Variants in ZBTB37 observed in about 807,000 individuals in gnomAD.
The protein encoded by ZBTB37 is zinc finger and BTB domain-containing protein 37.
A neutral mutation model predicts 37.7 loss-of-function variants in ZBTB37; 15 were observed. That is an observed-to-expected ratio of 0.40 (90% CI 0.27 to 0.61). The LOEUF is 0.61. Among genes scored for constraint, ZBTB37 ranks in the 20% least tolerant of loss-of-function variants. The pLI is 0.44. For missense variants in ZBTB37, 514 were observed against 641.9 expected (o/e 0.80, Z 2.15); for synonymous variants, 231 against 220.6 (o/e 1.05, Z -0.42).
exon 4 of ZBTB37, chr1:173,899,957 GT>G (rs758052420): frequency 6.6e-6 from 1 of 152,166 alleles, no homozygotes; most frequent in Non-Finnish European, 1.5e-5. Flanking sequence ...AATTTTCAAA[GT>G]TCCTTCTCTA....
chr1:173,888,478 A>AGTGCGGT (rs1553214161), downstream of ZBTB37: 6 of 151,918 alleles, frequency 3.9e-5, no homozygotes, highest in East Asian at 7.8e-4. Flanking sequence ...CCCAAACCAG[A>AGTGCGGT]GTGCAGTGGT....
chr1:173,886,493 A>G (rs1047262008), exon 5 of ZBTB37: 3 of 174,892 alleles, frequency 1.7e-5, no homozygotes, highest in Middle Eastern at 2.4e-3. Flanking sequence ...TGGTGGCTAT[A>G]ATTGCCCGGA....
At chr1:173,881,724 C>T (rs1172292889) in intron 4 of ZBTB37, among the ~76,000 whole-genome samples, 1 of 152,062 alleles carries the variant, frequency 6.6e-6, no homozygotes, top group Non-Finnish European at 1.5e-5. Context: ...AGCATTTTTT[C>T]ATGTGTCTGT....
chr1:173,898,196 C>T (rs1389164277), exon 4 of ZBTB37: 1 of 152,072 alleles, frequency 6.6e-6, no homozygotes, highest in Non-Finnish European at 1.5e-5. Context: ...TGCAGTGGCT[C>T]ACACCTGTAA....
intron 4 of ZBTB37, among the ~76,000 whole-genome samples, chr1:173,876,697 A>G (rs1230752683): frequency 1.3e-5 from 2 of 152,198 alleles, no homozygotes; most frequent in Admixed American, 6.5e-5. Flanking sequence ...TTTAGTTTTG[A>G]TAAGATGTTA....
At chr1:173,870,596 G>A in exon 3 of ZBTB37, 3 of 1,614,130 alleles carry the variant, frequency 1.9e-6, no homozygotes, top group Non-Finnish European at 2.5e-6. Flanking sequence ...ATCCTGGAGG[G>A]CATTCATTTC....
intron 4 of ZBTB37, among the ~76,000 whole-genome samples, chr1:173,883,523 T>C (rs1222062335): frequency 1.3e-5 from 2 of 152,210 alleles, no homozygotes; most frequent in Non-Finnish European, 2.9e-5. Flanking sequence ...GAGAATCCTC[T>C]AAAGCTGGCA....
At chr1:173,870,847 C>G in exon 3 of ZBTB37, 1 of 1,614,144 alleles carries the variant, frequency 6.2e-7, no homozygotes, top group South Asian at 1.1e-5. Context: ...TGTAGAGAGC[C>G]GGGAGCCCAT....
At chr1:173,897,503 T>C (rs1657094145) in exon 4 of ZBTB37, 1 of 152,234 alleles carries the variant, frequency 6.6e-6, no homozygotes, top group African/African-American at 2.4e-5. Context: ...TGGGGATTAA[T>C]ATAAAACTTA....
exon 5 of ZBTB37, chr1:173,886,394 GA>G (rs752636855): frequency 2.2e-6 from 1 of 452,454 alleles, no homozygotes; most frequent in Non-Finnish European, 3.9e-6. Flanking sequence ...AACTTTATAA[GA>G]AAAAAGGTTT....
exon 4 of ZBTB37, chr1:173,899,113 T>TTGTTATTTGTGATACTCACA (rs1557897825): frequency 2.0e-5 from 3 of 152,278 alleles, no homozygotes; most frequent in South Asian, 2.1e-4. Context: ...ACTGATACAG[T>TTGTTATTTGTGATACTCACA]AATTTCTGCC....
chr1:173,889,591 G>A (rs1273704087), downstream of ZBTB37: 3 of 152,168 alleles, frequency 2.0e-5, no homozygotes, highest in African/African-American at 7.2e-5. Flanking sequence ...CCTTTATTCT[G>A]TCTGAACTCT....
intron 4 of ZBTB37, among the ~76,000 whole-genome samples, chr1:173,885,295 A>T (rs909084252): frequency 2.6e-5 from 4 of 152,214 alleles, no homozygotes; most frequent in African/African-American, 9.6e-5. Context: ...TGTCTAGAAT[A>T]TAATTGTAAG....
chr1:173,871,876 A>C (rs1655589171), intron 3 of ZBTB37, among the ~76,000 whole-genome samples: 1 of 152,158 alleles, frequency 6.6e-6, no homozygotes, highest in Non-Finnish European at 1.5e-5. Flanking sequence ...CAATTGAGAG[A>C]AAGTCTCAAT....
exon 4 of ZBTB37, chr1:173,902,040 A>T (rs1428409235): frequency 6.6e-6 from 1 of 152,174 alleles, no homozygotes; most frequent in Non-Finnish European, 1.5e-5. Flanking sequence ...CCCCCTTCTC[A>T]TCTTGAGCCC....
chr1:173,881,397 A>G (rs1656295469), intron 4 of ZBTB37, among the ~76,000 whole-genome samples: 1 of 152,246 alleles, frequency 6.6e-6, no homozygotes, highest in African/African-American at 2.4e-5. Context: ...TATTGTGAAC[A>G]GTGTCGCAAT....
At chr1:173,879,779 C>A (rs543622397) in intron 4 of ZBTB37, among the ~76,000 whole-genome samples, 1 of 152,146 alleles carries the variant, frequency 6.6e-6, no homozygotes, top group Admixed American at 6.5e-5. Context: ...TGGTGAAACC[C>A]CATCTCTACT....
Position 173,873,842 on chromosome 1 carries a change from C to T in ZBTB37, c.1023+276C>T, listed in dbSNP as rs532644611. Among the ~76,000 whole-genome samples the T allele has an allele frequency of 4.3e-4, 65 of 152,250 alleles. 1 individual carries two copies. The highest frequency in any genetic ancestry group is 1.1e-3 in the Admixed American group (17 of 15,298). On this transcript the variant is annotated intron_variant, in intron 4 of 4. Coordinates refer to ENST00000427304, the Ensembl canonical transcript of ZBTB37. ...AAATTAACACTGATAGCTGGTTTAA[C>T]ATTTTAAAATTAATCATTGTAATCT...
intron 3 of ZBTB37, among the ~76,000 whole-genome samples, chr1:173,871,682 C>CT (rs1215194007): frequency 6.6e-6 from 1 of 152,178 alleles, no homozygotes; most frequent in African/African-American, 2.4e-5. Context: ...TTTTTCATCT[C>CT]TTTTTTCCCT....
Sources: allele counts gnomAD v4.1 joint callset (sites outside exome capture counted in the v4.1 genomes callset), GRCh38; gene constraint gnomAD v4.1.1; transcripts MANE v1.5; gene names NCBI Gene and HGNC (gene_info 2026-07-23, HGNC 2026-07-21).